The following MACROD2 variants were observed in gnomAD, a reference collection of about 807,000 sequenced individuals.
The protein encoded by MACROD2 is mono-ADP ribosylhydrolase 2.
A neutral mutation model predicts 70.4 loss-of-function variants in MACROD2; 36 were observed. That is an observed-to-expected ratio of 0.51 (90% CI 0.39 to 0.68). The LOEUF (loss-of-function observed/expected upper bound fraction) is 0.68, where lower values mean the gene tolerates loss of function less well. Ranked by LOEUF, MACROD2 falls within the 30% of genes least tolerant of loss-of-function variation. The pLI is 0.00. For synonymous variants in MACROD2, 172 were observed against 178.8 expected, an observed-to-expected ratio of 0.96 and a Z score of 0.30; for missense variants, 496 against 538.4, an observed-to-expected ratio of 0.92 and a Z score of 0.78.
chr20:15,718,530 T>A (rs1326455515), intron 8 of MACROD2, among the ~76,000 whole-genome samples: 4 of 152,194 alleles, frequency 2.6e-5, no homozygotes, highest in African/African-American at 9.7e-5. Context: ...GCCATCTTTG[T>A]TCAGTCCTCA....
At chr20:14,320,372 C>G (rs2082648068) in intron 3 of MACROD2, among the ~76,000 whole-genome samples, 1 of 152,148 alleles carries the variant, frequency 6.6e-6, no homozygotes, top group Non-Finnish European at 1.5e-5. Context: ...AGCCGTCTAA[C>G]TTGTCTTCTT....
chr20:14,040,584 G>A (rs2053377839), intron 2 of MACROD2, among the ~76,000 whole-genome samples: 1 of 152,140 alleles, frequency 6.6e-6, no homozygotes, highest in South Asian at 2.1e-4. Context: ...TGGTATACTT[G>A]TTTAGGGCAG....
chr20:15,332,664 T>C (rs1432557680), intron 6 of MACROD2, among the ~76,000 whole-genome samples: 2 of 151,570 alleles, frequency 1.3e-5, no homozygotes, highest in Non-Finnish European at 2.9e-5. Flanking sequence ...GACGTGAATA[T>C]TGTTATTATT....
intron 4 of MACROD2, among the ~76,000 whole-genome samples, chr20:14,662,482 A>G (rs944307168): frequency 6.6e-6 from 1 of 152,212 alleles, no homozygotes; most frequent in Non-Finnish European, 1.5e-5. Flanking sequence ...GCAACACTTG[A>G]CAAATGTGAG....
At chr20:14,751,686 A>C (rs891726886) in intron 5 of MACROD2, among the ~76,000 whole-genome samples, 5 of 152,098 alleles carry the variant, frequency 3.3e-5, no homozygotes, top group Non-Finnish European at 7.4e-5. Flanking sequence ...TGTCCTTCTC[A>C]TGGGAAGAGC....
intron 2 of MACROD2, 81 bp from the exon 3 acceptor site, chr20:14,085,540 G>T: frequency 1.4e-6 from 1 of 738,638 alleles, no homozygotes; most frequent in Non-Finnish European, 2.0e-6. Context: ...ATTGGGTCTT[G>T]TAGTAGTCTT....
intron 4 of MACROD2, among the ~76,000 whole-genome samples, chr20:14,673,242 T>G (rs2070816768): frequency 1.3e-5 from 2 of 152,166 alleles, no homozygotes; most frequent in African/African-American, 2.4e-5. Flanking sequence ...GCTCTTTTGA[T>G]TTATGAGAGT....
In MACROD2 at chr20:14,167,457, C is replaced by T. The variant is rs2055283629; in HGVS notation, c.271+81729C>T. ...GGAGTGCAATGGCAGGGTCTTGGCT[C>T]ACTGCAACCTCTGCCTCCTGGGTTC... On this transcript the variant is annotated intron_variant, in intron 3 of 17. Coordinates refer to ENST00000684519, the MANE Select transcript of MACROD2 (RefSeq NM_001351661.2). Among the ~76,000 whole-genome samples, 3 of 151,940 alleles carry T rather than the reference C, an allele frequency of 2.0e-5. 1 individual carries two copies. The South Asian group carries it at 6.2e-4, about 31-fold the overall frequency.
intron 5 of MACROD2, among the ~76,000 whole-genome samples, chr20:14,999,457 G>A (rs2074976121): frequency 1.3e-5 from 2 of 152,140 alleles, no homozygotes; most frequent in South Asian, 4.1e-4. Flanking sequence ...GTAGGAGTTT[G>A]AGACTAGCCA....
At chr20:15,668,344 G>A (rs1412667832) in intron 8 of MACROD2, among the ~76,000 whole-genome samples, 1 of 152,012 alleles carries the variant, frequency 6.6e-6, no homozygotes, top group Non-Finnish European at 1.5e-5. Flanking sequence ...AAGGCAGGCA[G>A]ATCACCTGAG....
intron 5 of MACROD2, among the ~76,000 whole-genome samples, chr20:14,729,365 A>G (rs2071566932): frequency 1.3e-5 from 2 of 152,172 alleles, no homozygotes; most frequent in African/African-American, 2.4e-5. Flanking sequence ...CGCATGAAAA[A>G]CACTTAATAT....
At chr20:15,482,536 A>G (rs1213971176) in intron 7 of MACROD2, among the ~76,000 whole-genome samples, 2 of 152,204 alleles carry the variant, frequency 1.3e-5, no homozygotes, top group African/African-American at 4.8e-5. Flanking sequence ...TCCTTGATCT[A>G]CTGTCTCTAA....
At chr20:15,196,577 G>A (rs948477739) in intron 5 of MACROD2, among the ~76,000 whole-genome samples, 4 of 152,254 alleles carry the variant, frequency 2.6e-5, no homozygotes, top group African/African-American at 9.6e-5. Flanking sequence ...ATGGGTTAAC[G>A]TCTGCATTCT....
chr20:14,067,719 C>G (rs1569143754), intron 2 of MACROD2, among the ~76,000 whole-genome samples: 2 of 152,164 alleles, frequency 1.3e-5, no homozygotes, highest in African/African-American at 4.8e-5. Context: ...CAGCTTCACA[C>G]ATAGTCTCAT....
At chr20:16,041,131 C>T in intron 15 of MACROD2, 70 bp from the exon 16 acceptor site, 1 of 1,301,644 alleles carries the variant, frequency 7.7e-7, no homozygotes, top group Non-Finnish European at 1.1e-6. Flanking sequence ...TGGAGGGTGA[C>T]AGAAATGATT....
At chr20:15,815,732 G>A (rs1355363637) in intron 8 of MACROD2, among the ~76,000 whole-genome samples, 2 of 152,098 alleles carry the variant, frequency 1.3e-5, no homozygotes, top group African/African-American at 2.4e-5. Flanking sequence ...TTAAGTTGAA[G>A]TTATATGAGT....
intron 8 of MACROD2, among the ~76,000 whole-genome samples, chr20:15,586,096 C>T (rs1372288518): frequency 6.6e-6 from 1 of 152,176 alleles, no homozygotes; most frequent in Non-Finnish European, 1.5e-5. Flanking sequence ...TATGGCTTTT[C>T]CCTACTAATA....
chr20:15,077,725 A>T (rs532628678), intron 5 of MACROD2, among the ~76,000 whole-genome samples: 2 of 152,250 alleles, frequency 1.3e-5, no homozygotes, highest in African/African-American at 4.8e-5. Flanking sequence ...GATCTTGCCT[A>T]CATTAAGTTT....
chr20:15,263,930 T>C (rs878989428), intron 6 of MACROD2, among the ~76,000 whole-genome samples: 2 of 152,164 alleles, frequency 1.3e-5, no homozygotes, highest in Admixed American at 6.6e-5. Context: ...ATAGTTTTTT[T>C]GGTGGAATCT....
Sources: gnomAD v4.1 joint callset for allele counts (sites outside exome capture counted in the v4.1 genomes callset) on GRCh38, gnomAD v4.1.1 for gene constraint, MANE v1.5 for transcripts, NCBI Gene and HGNC (gene_info 2026-07-23, HGNC 2026-07-21) for gene names.